The following BRD10 variants were observed in gnomAD, a reference collection of about 807,000 sequenced individuals.
BRD10 encodes the protein uncharacterized bromodomain-containing protein 10.
chr9:5,982,541 A>G, the BRD10 span, among the ~76,000 whole-genome samples: 1 of 152,212 alleles, frequency 6.6e-6, no homozygotes, highest in Non-Finnish European at 1.5e-5. Flanking sequence ...GTGAGACTTG[A>G]GCTAGCACAC....
At chr9:5,906,946 T>G in the BRD10 span, 5 of 1,598,852 alleles carry the variant, frequency 3.1e-6, no homozygotes, top group Non-Finnish European at 4.3e-6. Flanking sequence ...CAAGAAGGGT[T>G]TGATCATCGG....
the BRD10 span, among the ~76,000 whole-genome samples, chr9:5,999,189 A>G: frequency 1.1e-4 from 17 of 152,086 alleles, no homozygotes; most frequent in South Asian, 2.1e-4. Flanking sequence ...TGTATTTAAC[A>G]TATTTTTTTC....
At chr9:5,977,056 A>G in the BRD10 span, among the ~76,000 whole-genome samples, 5 of 152,262 alleles carry the variant, frequency 3.3e-5, no homozygotes, top group African/African-American at 1.2e-4. Context: ...TATTAAGGAC[A>G]TACAGAAAGG....
At chr9:5,923,045 A>C in the BRD10 span, 1 of 1,614,024 alleles carries the variant, frequency 6.2e-7, no homozygotes, top group Non-Finnish European at 8.5e-7. Flanking sequence ...TGACTCTGGA[A>C]ATGATGGCTC....
At chr9:5,897,570 G>C in the BRD10 span, 53 of 1,614,112 alleles carry the variant, frequency 3.3e-5, no homozygotes, top group African/African-American at 6.5e-4. Context: ...CGCTGGGATC[G>C]GCATCCTGAC....
the BRD10 span, chr9:5,920,714 G>T: frequency 6.2e-7 from 1 of 1,613,820 alleles, no homozygotes; most frequent in Non-Finnish European, 8.5e-7. Context: ...ATGTGGAACT[G>T]TGTTTATTAT....
the BRD10 span, among the ~76,000 whole-genome samples, chr9:6,006,114 G>A: frequency 6.6e-6 from 1 of 152,180 alleles, no homozygotes; most frequent in African/African-American, 2.4e-5. Flanking sequence ...CAGATATGAA[G>A]TATACACTCA....
the BRD10 span, among the ~76,000 whole-genome samples, chr9:5,926,634 C>T: frequency 6.6e-6 from 1 of 152,098 alleles, no homozygotes; most frequent in South Asian, 2.1e-4. Flanking sequence ...TGGGTTCATG[C>T]CATTCTCCTG....
chr9:5,994,618 A>G, the BRD10 span, among the ~76,000 whole-genome samples: 1 of 152,218 alleles, frequency 6.6e-6, no homozygotes, highest in East Asian at 1.9e-4. Context: ...ATTCACATAG[A>G]TAACCAGTTG....
the BRD10 span, among the ~76,000 whole-genome samples, chr9:5,936,243 C>T: frequency 6.6e-6 from 1 of 152,124 alleles, no homozygotes; most frequent in Admixed American, 6.5e-5. Context: ...GTAGTCCCAG[C>T]TACTGGGGAG....
chr9:6,007,348 G>C, the BRD10 span: 2 of 1,613,398 alleles, frequency 1.2e-6, no homozygotes, highest in African/African-American at 1.3e-5. Flanking sequence ...CTGGCCGCTG[G>C]CGAACTTCTC....
chr9:5,882,787 G>C, the BRD10 span, among the ~76,000 whole-genome samples: 1 of 151,986 alleles, frequency 6.6e-6, no homozygotes, highest in East Asian at 1.9e-4. Context: ...ATACCCAAAG[G>C]TGTATATGTG....
At chr9:6,006,486 C>T in the BRD10 span, among the ~76,000 whole-genome samples, 1 of 152,284 alleles carries the variant, frequency 6.6e-6, no homozygotes, top group African/African-American at 2.4e-5. Context: ...TTAGTATCCT[C>T]CTCTTGTGTT....
the BRD10 span, among the ~76,000 whole-genome samples, chr9:5,899,763 C>G: frequency 3.3e-5 from 5 of 152,172 alleles, no homozygotes; most frequent in Non-Finnish European, 7.3e-5. Context: ...TGAACCACAA[C>G]AGAGAATATT....
chr9:5,911,879 T>G, the BRD10 span, among the ~76,000 whole-genome samples: 3 of 152,136 alleles, frequency 2.0e-5, no homozygotes, highest in Non-Finnish European at 4.4e-5. Flanking sequence ...TCTGGGACTT[T>G]GTGATTCTAT....
chr9:5,930,455 G>C, the BRD10 span, among the ~76,000 whole-genome samples: 1 of 150,004 alleles, frequency 6.7e-6, no homozygotes, highest in South Asian at 2.1e-4. Context: ...GAACAGTACA[G>C]TTTTACAAAA....
the BRD10 span, among the ~76,000 whole-genome samples, chr9:6,006,967 C>A: frequency 6.6e-6 from 1 of 152,242 alleles, no homozygotes; most frequent in Non-Finnish European, 1.5e-5. Flanking sequence ...CTCTTCAGCG[C>A]TGCAGACTCG....
the BRD10 span, among the ~76,000 whole-genome samples, chr9:5,977,766 C>T: frequency 0.6 from 90,487 of 151,966 alleles, 28,286 homozygotes; most frequent in Non-Finnish European, 0.72. Flanking sequence ...ACCCAGGAGG[C>T]AGAGCTTGCA....
the BRD10 span, among the ~76,000 whole-genome samples, chr9:5,956,562 G>A: frequency 6.6e-6 from 1 of 152,096 alleles, no homozygotes; most frequent in Non-Finnish European, 1.5e-5. Context: ...AATTAAATGG[G>A]TTATAACACC....
Sources: allele counts gnomAD v4.1 joint callset (sites outside exome capture counted in the v4.1 genomes callset), GRCh38; gene constraint gnomAD v4.1.1; transcripts MANE v1.5; gene names NCBI Gene and HGNC (gene_info 2026-07-23, HGNC 2026-07-21).